The following ACSM4 variants were observed in gnomAD, a reference collection of about 807,000 sequenced individuals.
ACSM4 encodes the protein acyl-coenzyme A synthetase ACSM4, mitochondrial.
A neutral mutation model predicts 73.0 loss-of-function variants in ACSM4; 66 were observed. The observed-to-expected ratio is 0.90, with a 90% CI of 0.74 to 1.11. The LOEUF is 1.11. Ranked by LOEUF, ACSM4 falls within the 50% of genes least tolerant of loss-of-function variation. The pLI, the probability that ACSM4 is intolerant of heterozygous loss-of-function variation, is 0.00. For synonymous variants in ACSM4, 222 were observed against 254.0 expected, an observed-to-expected ratio of 0.87 and a Z score of 1.20; for missense variants, 645 against 714.4, an observed-to-expected ratio of 0.90 and a Z score of 1.11.
chr12:7,308,604 T>C (rs1184449505), intron 2 of ACSM4, among the ~76,000 whole-genome samples: 1 of 152,210 alleles, frequency 6.6e-6, no homozygotes, highest in African/African-American at 2.4e-5. Context: ...ATCACCAATC[T>C]ACCAAGGGAG....
In ACSM4 at chr12:7,304,342, T is replaced by C; in HGVS notation, c.11T>C (p.Phe4Ser). The C allele has an allele frequency of 6.2e-7, 1 of 1,613,922 alleles. No individual in the cohort carries two copies. Among genetic ancestry groups the C allele is most frequent in the Non-Finnish European group, 8.5e-7 (1 of 1,179,846 alleles). Residue 4 changes from phenylalanine (F) to serine (S), a missense_variant, in exon 1 of 13, where the codon TTT becomes TCT. By Grantham distance (155) the Phe-to-Ser change is radical. Transcript: ENST00000399422. Reference protein sequence around the residue: MKIFFRYQTFRFIW... With the variant: MKISFRYQTFRFIW... ...AGTCCTTTGGGAACCATGAAGATTT[T>C]TTTCCGCTACCAGACATTTAGATTC...
chr12:7,324,329 CAG>C lies in ACSM4; in HGVS notation c.1368_1369del (p.Gly457SerfsTer5). 6.2e-7 allele frequency: 1 copy of C among 1,613,906 alleles called. No individual in the cohort carries two copies. Among genetic ancestry groups the C allele is most frequent in the Non-Finnish European group, 8.5e-7 (1 of 1,179,904 alleles). ...IRGDFYVTGD[R>X]GVMDSDGYFW... ...GAGGAGATTTTTATGTCACTGGAGA[CAG>C]AGGAGTGATGGACAGTGATGGGTAT... On this transcript the variant is annotated frameshift_variant, in exon 10 of 13. Coordinates refer to ENST00000399422, the MANE Select transcript of ACSM4 (RefSeq NM_001080454.2). LOFTEE classifies it high-confidence loss of function.
intron 3 of ACSM4, 127 bp from the exon 4 acceptor site, chr12:7,317,010 T>C: frequency 1.7e-6 from 2 of 1,187,310 alleles, no homozygotes; most frequent in South Asian, 2.1e-5. Flanking sequence ...AGGAAAGCTT[T>C]GGATTAGGTT....
chr12:7,305,969 T>C (rs1946359465), intron 1 of ACSM4, among the ~76,000 whole-genome samples: 1 of 152,190 alleles, frequency 6.6e-6, no homozygotes, highest in Admixed American at 6.5e-5. Flanking sequence ...CCCTCGACCC[T>C]GCTCCTTGTG....
chr12:7,318,063 AAT>A lies in ACSM4; in HGVS notation c.805_806del (p.Met269ValfsTer2), dbSNP rs756038917. 1 of 1,613,732 alleles carries A rather than the reference AAT, an allele frequency of 6.2e-7. No individual in the cohort carries two copies. Among genetic ancestry groups the A allele is most frequent in the Non-Finnish European group, 8.5e-7 (1 of 1,179,808 alleles). On this transcript the variant is annotated frameshift_variant, in exon 5 of 13. Coordinates refer to ENST00000399422, the MANE Select transcript of ACSM4 (RefSeq NM_001080454.2). LOFTEE classifies it high-confidence loss of function. Reference protein sequence around the residue: ...LDLKSSDIIWNMSDTGWVKAA... With the variant: ...LDLKSSDIIWXMSDTGWVKAA... Reference sequence around the variant, plus strand: ...CTTGAAGTCCTCAGATATCATATGGAATATGTCTGACACGGGCTGGGTCAAGG... The same window carrying A: ...CTTGAAGTCCTCAGATATCATATGGAATGTCTGACACGGGCTGGGTCAAGG...
At chr12:7,320,076 CTTAAGT>C (rs1039889775) in intron 5 of ACSM4, among the ~76,000 whole-genome samples, 1 of 152,156 alleles carries the variant, frequency 6.6e-6, no homozygotes, top group African/African-American at 2.4e-5. Flanking sequence ...CTCCCAAATA[CTTAAGT>C]TTAATACAAA....
rs1161550148 is a variant in ACSM4 at position 7,317,261 on chromosome 12, G to T, written c.745G>T (p.Gly249Trp). ...GCACTCTCAGAGCAGCCTCGGCATT[G>T]GGTTCACCCTCTGCGGAAGGTAGGG... ...AQHSQSSLGI[G>W]FTLCGRYWLD... The change falls in exon 4 of 13, where the codon GGG (glycine) becomes TGG (tryptophan). Residue 249 changes from glycine (G) to tryptophan (W), a missense_variant. Gly to Trp is a radical substitution (Grantham distance 184). Coordinates refer to ENST00000399422, the MANE Select transcript of ACSM4 (RefSeq NM_001080454.2). 6.3e-7 allele frequency: 1 copy of T among 1,580,626 alleles called. No individual in the cohort carries two copies.
In ACSM4 at chr12:7,327,883, T is replaced by C. The variant is rs76718570; in HGVS notation, c.1657-404T>C. On this transcript the variant is annotated intron_variant, in intron 12 of 12. Coordinates refer to ENST00000399422, the MANE Select transcript of ACSM4 (RefSeq NM_001080454.2). ...AGTCAGGGCAGAAGGGAAAACTGTA[T>C]ATACTCCAAATTATCCCTAAAAATC... Among the ~76,000 whole-genome samples, 433 of 152,232 alleles carry C rather than the reference T, an allele frequency of 2.8e-3. 5 individuals carry two copies. Among genetic ancestry groups the C allele is most frequent in the African/African-American group, 9.1e-3 (379 of 41,546 alleles).
At chr12:7,319,503 T>A (rs1946444047) in intron 5 of ACSM4, among the ~76,000 whole-genome samples, 1 of 151,358 alleles carries the variant, frequency 6.6e-6, no homozygotes, top group African/African-American at 2.4e-5. Context: ...AGGCAGAGAA[T>A]TGCTTGAATC....
chr12:7,327,263 C>A (rs546853996), intron 12 of ACSM4, among the ~76,000 whole-genome samples, 168 bp downstream of exon 12: 1 of 152,120 alleles, frequency 6.6e-6, no homozygotes, highest in African/African-American at 2.4e-5. Flanking sequence ...TATATTAGAA[C>A]GGTATAAGTG....
intron 5 of ACSM4, among the ~76,000 whole-genome samples, chr12:7,318,960 C>T (rs756812409): frequency 2.0e-5 from 3 of 152,150 alleles, no homozygotes; most frequent in Non-Finnish European, 4.4e-5. Flanking sequence ...TTCCCATGGA[C>T]TAGGGGGAGC....
Position 7,326,993 on chromosome 12 carries a change from T to C in ACSM4, c.1554T>C (p.Val518=). Residue 518 remains valine, a synonymous_variant, in exon 12 of 13, where the codon GTT becomes GTC. Coordinates refer to ENST00000399422, the MANE Select transcript of ACSM4 (RefSeq NM_001080454.2). ...TGTTGCAGGTGGTGAAAGCTTTTGT[T>C]GTCTTAGCTGCACCCTTTAAGTCCT... ...QIRGEVVKAF[V]VLAAPFKSYN... is the part of the protein sequence containing the mutation. 1.2e-6 allele frequency: 2 copies of C among 1,605,274 alleles called. No homozygotes were observed. Among genetic ancestry groups the C allele is most frequent in the South Asian group, 1.1e-5 (1 of 88,270 alleles).
chr12:7,327,407 AC>A (rs1164661072), intron 12 of ACSM4, among the ~76,000 whole-genome samples: 2 of 152,164 alleles, frequency 1.3e-5, no homozygotes, highest in Non-Finnish European at 2.9e-5. Flanking sequence ...GTTTTTAGGG[AC>A]AGTGCTTGAT....
chr12:7,316,136 G>A (rs1243053743), intron 3 of ACSM4, among the ~76,000 whole-genome samples: 1 of 152,162 alleles, frequency 6.6e-6, no homozygotes, highest in Admixed American at 6.5e-5. Context: ...CTCAGTGATG[G>A]ATAACTAATA....
intron 5 of ACSM4, chr12:7,318,448 T>G (rs375914829): frequency 2.7e-6 from 1 of 375,844 alleles, no homozygotes; most frequent in African/African-American, 2.1e-5. Flanking sequence ...TGTAGCTACT[T>G]AAGAAACTGG....
chr12:7,328,411 T>C lies in ACSM4; in HGVS notation c.*38T>C. ...GCTGAAGGGTTAAGCAGTAATATGGTTGCTTTCTTTTAGTATTTGTTCCGA... is the reference window on the plus strand; with the variant it reads ...GCTGAAGGGTTAAGCAGTAATATGGCTGCTTTCTTTTAGTATTTGTTCCGA... On this transcript the variant is annotated 3_prime_UTR_variant, in exon 13 of 13. Coordinates refer to ENST00000399422, the MANE Select transcript of ACSM4 (RefSeq NM_001080454.2). The C allele has an allele frequency of 7.0e-7, 1 of 1,437,530 alleles. No individual in the cohort carries two copies. Among genetic ancestry groups the C allele is most frequent in the Non-Finnish European group, 9.4e-7 (1 of 1,060,084 alleles). The allele number at this position is 1,437,530 out of a possible 1,614,324, so 89.0% of individuals were successfully genotyped here.
At chr12:7,318,606 A>G in intron 5 of ACSM4, 1 of 155,804 alleles carries the variant, frequency 6.4e-6, no homozygotes, top group Non-Finnish European at 1.4e-5. Flanking sequence ...AGCTCCTCTT[A>G]TTCTCCCCCA....
rs1318900683 is a variant in ACSM4, at chr12:7,324,348, G to A, written c.1384G>A (p.Asp462Asn). 6.2e-7 allele frequency: 1 copy of A among 1,614,116 alleles called. No homozygotes were observed. Among genetic ancestry groups the A allele is most frequent in the South Asian group, 1.1e-5 (1 of 91,064 alleles). Residue 462 changes from aspartate (D) to asparagine (N), a missense_variant, in exon 10 of 13, where the codon GAT (aspartate) becomes AAT (asparagine). Coordinates refer to ENST00000399422, the MANE Select transcript of ACSM4 (RefSeq NM_001080454.2). ...VTGDRGVMDSDGYFWFVGRAD... is the reference protein window; with the variant it reads ...VTGDRGVMDSNGYFWFVGRAD... ...TGGAGACAGAGGAGTGATGGACAGTGATGGGTATTTCTGGTTTGTCGGCAG... is the reference window on the plus strand; with the variant it reads ...TGGAGACAGAGGAGTGATGGACAGTAATGGGTATTTCTGGTTTGTCGGCAG...
intron 1 of ACSM4, among the ~76,000 whole-genome samples, chr12:7,305,555 C>T (rs1946357181): frequency 1.3e-5 from 2 of 152,162 alleles, no homozygotes; most frequent in African/African-American, 4.8e-5. Context: ...AGGAACTTGA[C>T]CTCATAGAAG....
Sources: gnomAD v4.1 joint callset for allele counts (sites outside exome capture counted in the v4.1 genomes callset) on GRCh38, gnomAD v4.1.1 for gene constraint, MANE v1.5 for transcripts, NCBI Gene and HGNC (gene_info 2026-07-23, HGNC 2026-07-21) for gene names.